PRTFDC1: variants seen among roughly 807,000 people sequenced by gnomAD.
The protein encoded by PRTFDC1 is phosphoribosyltransferase domain-containing protein 1.
A neutral mutation model predicts 34.6 loss-of-function variants in PRTFDC1; 38 were observed. The observed-to-expected ratio is 1.10, with a 90% CI of 0.85 to 1.44. The LOEUF is 1.44. PRTFDC1 is among the 40% of genes most tolerant of loss of function. PRTFDC1 has a pLI of 0.00. For synonymous variants in PRTFDC1, 93 were observed against 98.1 expected (o/e 0.95, Z 0.31); for missense variants, 270 against 283.0 (o/e 0.95, Z 0.33).
intron 3 of PRTFDC1, among the ~76,000 whole-genome samples, chr10:24,931,415 C>T (rs1458415073): frequency 2.0e-5 from 3 of 151,360 alleles, no homozygotes; most frequent in African/African-American, 7.3e-5. Flanking sequence ...AACATAAACA[C>T]AAAAGAGAAA....
chr10:24,944,239 G>C (rs767032290), intron 1 of PRTFDC1, among the ~76,000 whole-genome samples: 1 of 152,156 alleles, frequency 6.6e-6, no homozygotes, highest in South Asian at 2.1e-4. Flanking sequence ...CCTTGAGAAG[G>C]CTCCTGTCCC....
intron 3 of PRTFDC1, among the ~76,000 whole-genome samples, chr10:24,897,941 T>C (rs1012742627): frequency 6.6e-6 from 1 of 152,172 alleles, no homozygotes; most frequent in Non-Finnish European, 1.5e-5. Flanking sequence ...CAGCATTATT[T>C]ATGGTGCAGG....
chr10:24,897,707 G>A (rs1420074650), intron 3 of PRTFDC1, among the ~76,000 whole-genome samples: 1 of 152,180 alleles, frequency 6.6e-6, no homozygotes, highest in African/African-American at 2.4e-5. Context: ...CGAGAAACAT[G>A]TTAAAGAAAT....
At chr10:24,888,549 T>C (rs779273754) in intron 3 of PRTFDC1, among the ~76,000 whole-genome samples, 14 of 152,206 alleles carry the variant, frequency 9.2e-5, no homozygotes, top group Non-Finnish European at 1.8e-4. Flanking sequence ...CCGAGTGTCT[T>C]AGCTTTTATT....
At chr10:24,920,764 T>A (rs1848776677) in intron 3 of PRTFDC1, among the ~76,000 whole-genome samples, 1 of 152,164 alleles carries the variant, frequency 6.6e-6, no homozygotes. Flanking sequence ...AGTCTAACAG[T>A]ACTGCTGATG....
rs192074008 is a variant in PRTFDC1, at chr10:24,946,276, C to T, written c.49-3840G>A. 4.5e-4 allele frequency among the ~76,000 whole-genome samples: 69 copies of T among 152,120 alleles called. 1 individual carries two copies. The highest frequency in any genetic ancestry group is 6.8e-3 in the Middle Eastern group (2 of 294). On this transcript the variant is annotated intron_variant, in intron 1 of 8. Transcript: ENST00000320152. ...CTTACTGTCTCTGAGATCCAGTTTCCCCTTGCTTTAAATAAGACACAGTAA... is the reference window on the plus strand; with the variant it reads ...CTTACTGTCTCTGAGATCCAGTTTCTCCTTGCTTTAAATAAGACACAGTAA...
chr10:24,904,204 G>A (rs959932824), intron 3 of PRTFDC1, among the ~76,000 whole-genome samples: 2 of 151,640 alleles, frequency 1.3e-5, no homozygotes, highest in African/African-American at 2.4e-5. Flanking sequence ...TTTCAGTACC[G>A]GCCCTGAGTG....
intron 3 of PRTFDC1, among the ~76,000 whole-genome samples, chr10:24,878,774 G>A (rs1419716260): frequency 1.3e-5 from 2 of 152,082 alleles, no homozygotes; most frequent in African/African-American, 4.8e-5. Flanking sequence ...TCCTTTTGAG[G>A]AACCAGAAGA....
At chr10:24,938,575 T>C (rs1849092700) in intron 2 of PRTFDC1, among the ~76,000 whole-genome samples, 1 of 152,206 alleles carries the variant, frequency 6.6e-6, no homozygotes, top group Non-Finnish European at 1.5e-5. Flanking sequence ...ATGGTCACCT[T>C]GGTGGCAGGG....
chr10:24,876,769 G>A (rs1377980468), intron 3 of PRTFDC1, among the ~76,000 whole-genome samples: 3 of 151,652 alleles, frequency 2.0e-5, no homozygotes, highest in Non-Finnish European at 2.9e-5. Flanking sequence ...GGCTGGTCTC[G>A]AACTCCTGGC....
chr10:24,849,586 G>T lies in PRTFDC1; in HGVS notation c.*258C>A, dbSNP rs1190734846. 1.2e-5 allele frequency: 5 copies of T among 414,312 alleles called. No homozygotes were observed. The highest frequency in any genetic ancestry group is 1.0e-4 in the African/African-American group (5 of 49,880). 25.7% of individuals were successfully genotyped at this position (414,312 alleles called of 1,614,324 possible). ...GGAAGGCGGAGCTCAGGAGTGTGAA[G>T]GTAGATAGCATTGCTGAGTCACAAG... On this transcript the variant is annotated 3_prime_UTR_variant, in exon 9 of 9. Coordinates refer to ENST00000320152, the MANE Select transcript of PRTFDC1 (RefSeq NM_020200.7).
intron 3 of PRTFDC1, among the ~76,000 whole-genome samples, chr10:24,911,241 C>T (rs1261957704): frequency 2.0e-5 from 3 of 152,142 alleles, no homozygotes; most frequent in Non-Finnish European, 4.4e-5. Context: ...TGCTTTCTTC[C>T]TCTCCACTTA....
At position 24,937,179 on chromosome 10, in the gene PRTFDC1, CTT is replaced by C; in HGVS notation, c.339+3_339+4del. ...TGTCATAAAGCGGAACTTGTAATAA[CTT>C]ACCCTGTAACTTTTTAGTCTGATGA... On this transcript the variant is annotated splice_donor_region_variant and intron_variant, in intron 3 of 8. Transcript: ENST00000320152. 6.2e-7 allele frequency: 1 copy of C among 1,605,096 alleles called. No individual in the cohort carries two copies. The highest frequency in any genetic ancestry group is 8.5e-7 in the Non-Finnish European group (1 of 1,174,322).
chr10:24,931,859 T>C (rs1017578824), intron 3 of PRTFDC1, among the ~76,000 whole-genome samples: 1 of 151,202 alleles, frequency 6.6e-6, no homozygotes, highest in African/African-American at 2.4e-5. Context: ...CTTCCCAGTT[T>C]ATTTTAAAAG....
At chr10:24,857,420 C>A (rs1847598327) in intron 5 of PRTFDC1, among the ~76,000 whole-genome samples, 1 of 152,178 alleles carries the variant, frequency 6.6e-6, no homozygotes, top group South Asian at 2.1e-4. Context: ...TGTCCTCCCC[C>A]ACTCAATGGG....
intron 4 of PRTFDC1, among the ~76,000 whole-genome samples, chr10:24,864,438 A>T (rs1341612965): frequency 6.6e-6 from 1 of 152,134 alleles, no homozygotes. Context: ...GTTTTAAGAA[A>T]TTGCTACAGC....
chr10:24,937,594 G>C (rs1849075663), intron 2 of PRTFDC1, among the ~76,000 whole-genome samples: 1 of 136,742 alleles, frequency 7.3e-6, no homozygotes, highest in Non-Finnish European at 1.5e-5. Flanking sequence ...GTCTCACTCT[G>C]TTGCCCAGGC....
rs994286156 is a variant in PRTFDC1, at chr10:24,908,440, G to T, written c.339+28744C>A. 14 of 1,555,896 alleles carry T rather than the reference G, an allele frequency of 9.0e-6. No homozygotes were observed. In the African/African-American group the frequency reaches 1.6e-4, roughly 18 times the overall value. On this transcript the variant is annotated intron_variant, in intron 3 of 8. Transcript: ENST00000320152. ...CATGAAGACTGTGGGCACAGCCAGG[G>T]CTTGAAGACAGTGAGCCCTAGAATG...
chr10:24,909,287 A>C (rs1397034463), intron 3 of PRTFDC1, among the ~76,000 whole-genome samples: 1 of 152,256 alleles, frequency 6.6e-6, no homozygotes, highest in Non-Finnish European at 1.5e-5. Flanking sequence ...ATCTCAAAAA[A>C]AAGGGGACTA....
Sources: gnomAD v4.1 joint callset for allele counts (sites outside exome capture counted in the v4.1 genomes callset) on GRCh38, gnomAD v4.1.1 for gene constraint, MANE v1.5 for transcripts, NCBI Gene and HGNC (gene_info 2026-07-23, HGNC 2026-07-21) for gene names.